DIP2C: variants seen among roughly 807,000 people sequenced by gnomAD.
The protein encoded by DIP2C is disco-interacting protein 2 homolog C.
DIP2C carries 33 observed loss-of-function variants against 192.4 expected under a neutral mutation model. The observed-to-expected ratio is 0.17, with a 90% CI of 0.13 to 0.23. The LOEUF (loss-of-function observed/expected upper bound fraction) is 0.23, where lower values mean the gene tolerates loss of function less well. Among genes scored for constraint, DIP2C ranks in the 10% least tolerant of loss-of-function variants. The probability of loss-of-function intolerance (pLI) is 1.00; values close to 1 mark genes in which losing one functional copy is unlikely to be tolerated. For synonymous variants in DIP2C, 979 were observed against 864.1 expected, an observed-to-expected ratio of 1.13 and a Z score of -2.33; for missense variants, 1,537 against 2,110.1, an observed-to-expected ratio of 0.73 and a Z score of 5.32.
intron 1 of DIP2C, among the ~76,000 whole-genome samples, chr10:580,262 A>G (rs527919548): frequency 3.9e-5 from 6 of 152,280 alleles, no homozygotes; most frequent in Admixed American, 1.3e-4. Context: ...GTATGTACAT[A>G]TGCAGTACAT....
At chr10:523,447 CACTCGTTTCTACTGGA>C (rs1846850784) in intron 1 of DIP2C, among the ~76,000 whole-genome samples, 1 of 130,030 alleles carries the variant, frequency 7.7e-6, no homozygotes, top group Admixed American at 7.4e-5. Flanking sequence ...GTCACCCACA[CACTCGTTTCTACTGGA>C]TGCAAAGGAC....
intron 1 of DIP2C, among the ~76,000 whole-genome samples, chr10:563,020 T>C (rs907024906): frequency 6.6e-6 from 1 of 152,256 alleles, no homozygotes; most frequent in Non-Finnish European, 1.5e-5. Context: ...GTAATCTTCC[T>C]TGAAGGCTTT....
intron 3 of DIP2C, among the ~76,000 whole-genome samples, chr10:444,483 A>G (rs753787595): frequency 1.3e-5 from 2 of 149,056 alleles, no homozygotes; most frequent in African/African-American, 4.9e-5. Context: ...GTGTTCACTC[A>G]AGAGACAGCC....
At chr10:565,354 TAAAAA>T (rs59721670) in intron 1 of DIP2C, among the ~76,000 whole-genome samples, 7 of 114,108 alleles carry the variant, frequency 6.1e-5, no homozygotes, top group Middle Eastern at 4.7e-3. Context: ...ACCTGCATTC[TAAAAA>T]AAAAAAAAAA....
intron 1 of DIP2C, among the ~76,000 whole-genome samples, chr10:548,937 AAG>A (rs1687448987): frequency 6.7e-6 from 1 of 149,418 alleles, no homozygotes; most frequent in African/African-American, 2.5e-5. Context: ...AAAAAAAAAA[AAG>A]TGAGTAAAGA....
intron 19 of DIP2C, among the ~76,000 whole-genome samples, chr10:365,491 C>T (rs1412827961): frequency 2.0e-5 from 3 of 152,200 alleles, no homozygotes; most frequent in East Asian, 1.9e-4. Context: ...GAGCTGTGAA[C>T]GTGCCACTGC....
At chr10:316,624 G>A (rs1395987198) in intron 31 of DIP2C, among the ~76,000 whole-genome samples, 2 of 152,204 alleles carry the variant, frequency 1.3e-5, no homozygotes, top group African/African-American at 4.8e-5. Flanking sequence ...CTGGAGGGTA[G>A]CCAGGGCTCT....
chr10:361,532 C>T (rs1362725229), intron 22 of DIP2C, among the ~76,000 whole-genome samples: 1 of 152,184 alleles, frequency 6.6e-6, no homozygotes, highest in Non-Finnish European at 1.5e-5. Flanking sequence ...TGTCTGAACC[C>T]TGTCTCCACC....
intron 7 of DIP2C, among the ~76,000 whole-genome samples, chr10:414,410 C>T (rs1003945004): frequency 6.6e-6 from 1 of 152,198 alleles, no homozygotes; most frequent in African/African-American, 2.4e-5. Flanking sequence ...GGCTGGAATT[C>T]AAACAGCCAT....
rs531429927 is a variant in DIP2C at position 651,245 on chromosome 10, C to T, written c.85+38249G>A. On this transcript the variant is annotated intron_variant, in intron 1 of 36. Transcript: ENST00000280886. The surrounding 1 kb of genome is among the most constrained non-coding windows in gnomAD (Gnocchi z 4.1). ...CATCACACCAATGATGGCGTCACAG[C>T]GTGGGTTCCGGTCACCAGTCGGCCT... The T allele has an allele frequency of 1.3e-5, 9 of 716,230 alleles. No individual in the cohort carries two copies. In the East Asian group the frequency reaches 1.6e-4, roughly 13 times the overall value. 44.4% of individuals were successfully genotyped at this position (716,230 alleles called of 1,614,324 possible). A position where few individuals can be genotyped will look rare whatever the true frequency, so the allele number is the denominator to read the frequency against.
At chr10:471,839 G>A (rs1970655218) in intron 3 of DIP2C, among the ~76,000 whole-genome samples, 1 of 151,936 alleles carries the variant, frequency 6.6e-6, no homozygotes, top group Non-Finnish European at 1.5e-5. Context: ...TGCAACCTCC[G>A]CCTCCCAGGT....
chr10:611,587 C>A (rs982367779), intron 1 of DIP2C, among the ~76,000 whole-genome samples: 140 of 152,312 alleles, frequency 9.2e-4, no homozygotes, highest in African/African-American at 3.0e-3. Flanking sequence ...CCCACCAGGG[C>A]CTCTTTAGCA....
At chr10:381,343 G>A (rs1380384787) in intron 17 of DIP2C, among the ~76,000 whole-genome samples, 2 of 152,224 alleles carry the variant, frequency 1.3e-5, no homozygotes, top group African/African-American at 4.8e-5. Context: ...GACACTGCGG[G>A]CTGCTTCTAG....
At chr10:614,834 A>C (rs530428759) in intron 1 of DIP2C, among the ~76,000 whole-genome samples, 2 of 152,348 alleles carry the variant, frequency 1.3e-5, no homozygotes, top group African/African-American at 4.8e-5. Context: ...CATTCTCCAC[A>C]CTGATCCAAC....
At chr10:681,039 AC>A (rs1831111359) in intron 1 of DIP2C, among the ~76,000 whole-genome samples, 1 of 151,074 alleles carries the variant, frequency 6.6e-6, no homozygotes, top group African/African-American at 2.4e-5. Context: ...TGGTACAGCT[AC>A]CGCCTGTGGC....
At chr10:353,555 A>T (rs1018822041) in intron 24 of DIP2C, among the ~76,000 whole-genome samples, 25 of 151,286 alleles carry the variant, frequency 1.7e-4, no homozygotes, top group Middle Eastern at 3.4e-3. Context: ...ACACCCAGCT[A>T]TTTTTTTTTG....
intron 2 of DIP2C, among the ~76,000 whole-genome samples, chr10:473,678 C>CA (rs1186027950): frequency 6.6e-6 from 1 of 152,244 alleles, no homozygotes; most frequent in Non-Finnish European, 1.5e-5. Flanking sequence ...GTCGTCCCCA[C>CA]AGTTCCATGA....
At chr10:546,277 T>TCTTAA (rs1554897208) in intron 1 of DIP2C, among the ~76,000 whole-genome samples, 39,323 of 108,894 alleles carry the variant, frequency 0.36, 7,223 homozygotes, top group Non-Finnish European at 0.45. Flanking sequence ...GCAAGACTCT[T>TCTTAA]AAAAAAAAAA....
intron 3 of DIP2C, among the ~76,000 whole-genome samples, chr10:464,372 C>T (rs1970041540): frequency 6.7e-6 from 1 of 149,938 alleles, no homozygotes; most frequent in Non-Finnish European, 1.5e-5. Context: ...TTTATGTGGC[C>T]AACAAACTTA....
Sources: allele counts gnomAD v4.1 joint callset (sites outside exome capture counted in the v4.1 genomes callset), GRCh38; gene constraint gnomAD v4.1.1; non-coding constraint Gnocchi (gnomAD v3.1); transcripts MANE v1.5; gene names NCBI Gene and HGNC (gene_info 2026-07-23, HGNC 2026-07-21).